DIDO1: variants seen among roughly 807,000 people sequenced by gnomAD.
DIDO1 encodes the protein death inducer-obliterator 1.
In DIDO1, 16 loss-of-function variants were observed where a neutral mutation model predicts 99.4. The ratio of observed to expected loss-of-function variants is 0.16; its 90% CI spans 0.11 to 0.24. The LOEUF is 0.24. Ranked by LOEUF, DIDO1 falls within the 10% of genes least tolerant of loss-of-function variation. The pLI is 1.00. For missense variants in DIDO1, 2,996 were observed against 3,014.0 expected, an observed-to-expected ratio of 0.99 and a Z score of 0.14; for synonymous variants, 1,366 against 1,239.1, an observed-to-expected ratio of 1.10 and a Z score of -2.15.
At chr20:62,886,634 T>C (rs905514633) in intron 15 of DIDO1, among the ~76,000 whole-genome samples, 8 of 152,078 alleles carry the variant, frequency 5.3e-5, no homozygotes, top group African/African-American at 1.9e-4. Context: ...AAGACGCTCC[T>C]TCTTACTAAA....
At position 62,878,346 on chromosome 20, in the gene DIDO1, CA is replaced by C; in HGVS notation, c.*886del. On this transcript the variant is annotated 3_prime_UTR_variant, in exon 16 of 16. Transcript: ENST00000395343. ...ACTAGTTCCCGTCTCAGACTTTACA[CA>C]AGTCTTGTTCCACGTTCAAGGACAA... 1 of 152,228 alleles carries C rather than the reference CA, an allele frequency of 6.6e-6. No homozygotes were observed. The highest frequency in any genetic ancestry group is 2.4e-5 in the African/African-American group (1 of 41,448). 9.4% of individuals were successfully genotyped at this position (152,228 alleles called of 1,614,324 possible).
At chr20:62,934,554 C>A in intron 1 of DIDO1, among the ~76,000 whole-genome samples, 1 of 152,176 alleles carries the variant, frequency 6.6e-6, no homozygotes, top group East Asian at 1.9e-4. Flanking sequence ...TCCTCAGTCT[C>A]ACCTGCTGCT....
chr20:62,937,409 C>T (rs1356637015), intron 1 of DIDO1, among the ~76,000 whole-genome samples: 1 of 152,176 alleles, frequency 6.6e-6, no homozygotes, highest in Non-Finnish European at 1.5e-5. Context: ...CCCTGCCCCG[C>T]GCCGCCGCCG....
At chr20:62,934,004 C>T (rs1266246074) in intron 1 of DIDO1, among the ~76,000 whole-genome samples, 1 of 152,230 alleles carries the variant, frequency 6.6e-6, no homozygotes, top group Non-Finnish European at 1.5e-5. Context: ...CCTGGTTGCC[C>T]CTCAGCTGAC....
rs781382210 is a variant in DIDO1, at chr20:62,894,829, G to A, written c.2417C>T (p.Pro806Leu). 6 of 1,613,976 alleles carry A rather than the reference G, an allele frequency of 3.7e-6. No homozygotes were observed. Among genetic ancestry groups the A allele is most frequent in the African/African-American group, 2.7e-5 (2 of 75,018 alleles). ...QEAIPDLEDS[P>L]PVSDSEEQQE... ...GCTTACCTCTGAATCCGACACTGGCGGAGAGTCCTCCAGATCGGGGATGGC... is the reference window on the plus strand; with the variant it reads ...GCTTACCTCTGAATCCGACACTGGCAGAGAGTCCTCCAGATCGGGGATGGC... Residue 806 changes from proline to leucine, a missense_variant, in exon 10 of 16, where the codon CCG (proline) becomes CTG (leucine). Pro to Leu is a moderately conservative substitution (Grantham distance 98, BLOSUM62 -3). Around this residue, in one of 5 missense-constraint regions of DIDO1, gnomAD observed 898 missense variants for 972.7 expected, o/e 0.92. Transcript: ENST00000395343. The surrounding 1 kb of genome is among the most constrained non-coding windows in gnomAD (Gnocchi z 4.4).
At chr20:62,919,997 C>T (rs1363472973) in intron 1 of DIDO1, among the ~76,000 whole-genome samples, 4 of 152,350 alleles carry the variant, frequency 2.6e-5, no homozygotes, top group South Asian at 4.1e-4. Context: ...TTGATGGACT[C>T]CTCTTGTCTC....
chr20:62,911,294 C>T lies in DIDO1; in HGVS notation c.319G>A (p.Ala107Thr), dbSNP rs147853306. The T allele has an allele frequency of 9.3e-6, 15 of 1,611,352 alleles. No homozygotes were observed. The highest frequency in any genetic ancestry group is 5.0e-5 in the Admixed American group (3 of 60,012). ...ACGCTGCCCTCGGAGGCTGTCTCGG[C>T]GTCTGTGGCGGGGCAGGACGTGGGC... ...GEPTSCPATD[A>T]ETASEGSVES... The change falls in exon 3 of 16, where the codon GCC becomes ACC. Residue 107 changes from alanine to threonine, a missense_variant. Ala to Thr is a moderately conservative substitution (Grantham distance 58). Transcript: ENST00000395343. This position sits in a 1 kb window ranked among gnomAD's most constrained non-coding sequence, Gnocchi z 7.0.
Position 62,896,148 on chromosome 20 carries a change from CG to C in DIDO1, c.2214+84del, listed in dbSNP as rs1483415790. The C allele has an allele frequency of 1.8e-5, 24 of 1,359,290 alleles. No individual in the cohort carries two copies. Among genetic ancestry groups the C allele is most frequent in the Non-Finnish European group, 2.4e-5 (24 of 992,092 alleles). The allele number at this position is 1,359,290 out of a possible 1,614,324, so 84.2% of individuals were successfully genotyped here. A position where few individuals can be genotyped will look rare whatever the true frequency, so the allele number is the denominator to read the frequency against. ...CGTCTTAGCTTTCCTGGAAAGGACA[CG>C]AACATCTCAAAATATTGGTTGATCC... On this transcript the variant is annotated intron_variant, in intron 8 of 15. Transcript: ENST00000395343. This position sits in a 1 kb window ranked among gnomAD's most constrained non-coding sequence, Gnocchi z 4.4.
intron 4 of DIDO1, 29 bp downstream of exon 4, chr20:62,909,669 GA>G: frequency 6.2e-7 from 1 of 1,606,702 alleles, no homozygotes; most frequent in Non-Finnish European, 8.5e-7. Flanking sequence ...GCCGACTGCT[GA>G]ATGCTCGTCT....
chr20:62,880,926 T>TCGTGCTGCAGCGGGAAGC lies in DIDO1; in HGVS notation c.5012_5029dup (p.Gly1671_His1676dup). The TCGTGCTGCAGCGGGAAGC allele has an allele frequency of 6.2e-7, 1 of 1,609,794 alleles. No homozygotes were observed. The highest frequency in any genetic ancestry group is 8.5e-7 in the Non-Finnish European group (1 of 1,179,854). ...GCAGGTGAAAGGGTCCCTCTCACCG[T>TCGTGCTGCAGCGGGAAGC]CGTGCTGCAGCGGGAAGCCGGGCTG... On this transcript the variant is annotated inframe_insertion, in exon 16 of 16. Coordinates refer to ENST00000395343, the MANE Select transcript of DIDO1 (RefSeq NM_001193369.2).
chr20:62,882,494 T>G (rs548643913), intron 15 of DIDO1, 80 bp from the exon 16 acceptor site: 2 of 1,347,828 alleles, frequency 1.5e-6, no homozygotes, highest in Non-Finnish European at 2.0e-6. Context: ...ATTAAGGGCT[T>G]TCACGGGGAA....
At chr20:62,937,298 C>A (rs149992360) in intron 1 of DIDO1, among the ~76,000 whole-genome samples, 1 of 152,390 alleles carries the variant, frequency 6.6e-6, no homozygotes, top group East Asian at 1.9e-4. Context: ...TCGCATTCCT[C>A]CTGAGCGGAC....
chr20:62,891,340 G>A (rs1297958975), intron 14 of DIDO1, among the ~76,000 whole-genome samples, 185 bp from the exon 15 acceptor site: 2 of 152,188 alleles, frequency 1.3e-5, no homozygotes, highest in African/African-American at 2.4e-5. Flanking sequence ...GTCTGGAGCC[G>A]AGCCGGCTCT....
rs199793626 is a variant in DIDO1 at position 62,911,047 on chromosome 20, C to T, written c.566G>A (p.Arg189Gln). 121 of 1,613,638 alleles carry T rather than the reference C, an allele frequency of 7.5e-5. No individual in the cohort carries two copies. Among genetic ancestry groups the T allele is most frequent in the South Asian group, 3.3e-5 (3 of 91,086 alleles). Residue 189 changes from arginine to glutamine, a missense_variant, in exon 3 of 16, where the codon CGG (arginine) becomes CAG (glutamine). By Grantham distance (43) the Arg-to-Gln change is conservative. Transcript: ENST00000395343. The surrounding 1 kb of genome is among the most constrained non-coding windows in gnomAD (Gnocchi z 7.0). ...GGGACCCTCCTCCCGGCGCTTCTTC[C>T]GCAGGCGACTCTGGATCCCTTTCAG... ...RPLKGIQSRL[R>Q]KKRREEGPAE... is the part of the protein sequence containing the mutation.
At chr20:62,928,365 T>G (rs144521546), upstream of DIDO1, among the ~76,000 whole-genome samples, 700 of 152,288 alleles carry the variant, frequency 4.6e-3, 6 homozygotes, top group East Asian at 0.04. Flanking sequence ...CAGAATGCCT[T>G]CCTTCCTGCA....
intron 15 of DIDO1, chr20:62,888,672 A>G (rs990698160): frequency 4.1e-6 from 4 of 985,324 alleles, no homozygotes; most frequent in Non-Finnish European, 4.8e-6. Context: ...ACACGCGCGC[A>G]CATGCACACG....
At position 62,879,806 on chromosome 20, in the gene DIDO1, G is replaced by A. The variant is rs774561484; in HGVS notation, c.6150C>T (p.Leu2050=). ...RWEEAGPPSA[L]SSSAPGQGPE... is the part of the protein sequence containing the mutation. ...GGCCCTGTCCGGGCGCACTGGAGGA[G>A]AGCGCGGAGGGCGGCCCGGCCTCCT... is the stretch of plus-strand genomic sequence containing the variant. The change falls in exon 16 of 16, where the codon CTC becomes CTT. Residue 2050 remains leucine, a synonymous_variant. Transcript: ENST00000395343. This position sits in a 1 kb window ranked among gnomAD's most constrained non-coding sequence, Gnocchi z 6.3. 1.9e-5 allele frequency: 30 copies of A among 1,610,544 alleles called. No individual in the cohort carries two copies. The highest frequency in any genetic ancestry group is 2.5e-5 in the Non-Finnish European group (30 of 1,179,460).
chr20:62,937,114 A>G (rs1045317195), intron 1 of DIDO1, among the ~76,000 whole-genome samples: 2 of 152,212 alleles, frequency 1.3e-5, no homozygotes, highest in African/African-American at 4.8e-5. Flanking sequence ...GCTCGCTTGT[A>G]AGCAAACACA....
Position 62,910,001 on chromosome 20 carries a change from G to T in DIDO1, c.859C>A (p.Arg287Ser). The part of the protein sequence containing the change: ...HNNRFMICCD[R>S]CEEWFHGDCV... Reference sequence around the variant, plus strand: ...TCGCCATGAAACCATTCTTCACAGCGGTCACAGCAAATCATAAACCTGAAA... The same window carrying T: ...TCGCCATGAAACCATTCTTCACAGCTGTCACAGCAAATCATAAACCTGAAA... Residue 287 changes from arginine to serine, a missense_variant, in exon 4 of 16, where the codon CGC (arginine) becomes AGC (serine). Physicochemically the swap from Arg to Ser is moderately radical, Grantham distance 110. This residue lies in a region of DIDO1 where 13 missense variants were observed against 49.9 expected (regional missense o/e 0.26). Transcript: ENST00000395343. 6.2e-7 allele frequency: 1 copy of T among 1,608,760 alleles called. No individual in the cohort carries two copies. Among genetic ancestry groups the T allele is most frequent in the Non-Finnish European group, 8.5e-7 (1 of 1,178,832 alleles).
Sources: gnomAD v4.1 joint callset for allele counts (sites outside exome capture counted in the v4.1 genomes callset) on GRCh38, gnomAD v4.1.1 for gene constraint, gnomAD v4.1.1 regional missense constraint, Gnocchi (gnomAD v3.1) non-coding constraint, MANE v1.5 for transcripts, NCBI Gene and HGNC (gene_info 2026-07-23, HGNC 2026-07-21) for gene names.